The following BRD10 variants were observed in gnomAD, a reference collection of about 807,000 sequenced individuals.
BRD10 encodes bromodomain containing 10.
At chr9:5,969,647 A>T in the BRD10 span, among the ~76,000 whole-genome samples, 8 of 152,050 alleles carry the variant, frequency 5.3e-5, no homozygotes, top group African/African-American at 1.9e-4. Context: ...GGGTTCAAGC[A>T]ATTCTCCTGC....
the BRD10 span, among the ~76,000 whole-genome samples, chr9:5,945,182 G>A: frequency 6.6e-6 from 1 of 151,990 alleles, no homozygotes; most frequent in Non-Finnish European, 1.5e-5. Flanking sequence ...CAACATTGGT[G>A]GTTTCATCCC....
the BRD10 span, among the ~76,000 whole-genome samples, chr9:5,885,125 C>T: frequency 6.6e-6 from 1 of 152,188 alleles, no homozygotes; most frequent in African/African-American, 2.4e-5. Flanking sequence ...AGCCATGCCT[C>T]GATTCTATTC....
the BRD10 span, among the ~76,000 whole-genome samples, chr9:5,901,496 T>C: frequency 6.6e-6 from 1 of 152,184 alleles, no homozygotes; most frequent in Non-Finnish European, 1.5e-5. Flanking sequence ...TTTAGTCTAT[T>C]GATGTATCAG....
At chr9:5,983,140 CCA>C in the BRD10 span, among the ~76,000 whole-genome samples, 2 of 152,126 alleles carry the variant, frequency 1.3e-5, no homozygotes, top group Admixed American at 1.3e-4. Context: ...ATTCGGACAG[CCA>C]CACAAACTGG....
the BRD10 span, chr9:5,921,791 C>G: frequency 4.3e-6 from 7 of 1,613,816 alleles, no homozygotes; most frequent in Non-Finnish European, 5.1e-6. Flanking sequence ...AGTACTAGAA[C>G]AAATAGAGGA....
At chr9:5,939,881 A>C in the BRD10 span, among the ~76,000 whole-genome samples, 1 of 152,180 alleles carries the variant, frequency 6.6e-6, no homozygotes, top group East Asian at 1.9e-4. Context: ...TATGACAATC[A>C]ATGTGTCCTA....
chr9:5,926,910 T>G, the BRD10 span, among the ~76,000 whole-genome samples: 2 of 152,202 alleles, frequency 1.3e-5, no homozygotes. Flanking sequence ...TACTTACCTC[T>G]CAGTACGTGT....
At chr9:5,988,498 T>C in the BRD10 span, 22 of 1,613,970 alleles carry the variant, frequency 1.4e-5, no homozygotes, top group Non-Finnish European at 1.7e-5. Flanking sequence ...CTCCAATCCA[T>C]AATAGCCTCT....
the BRD10 span, chr9:5,922,712 G>A: frequency 6.2e-7 from 1 of 1,613,892 alleles, no homozygotes; most frequent in East Asian, 2.2e-5. Context: ...TTTTTCTCCT[G>A]TTTTAGGATC....
the BRD10 span, among the ~76,000 whole-genome samples, chr9:5,984,254 T>C: frequency 6.6e-6 from 1 of 152,164 alleles, no homozygotes; most frequent in East Asian, 1.9e-4. Flanking sequence ...CACAACTATT[T>C]AAAGCACATA....
the BRD10 span, among the ~76,000 whole-genome samples, chr9:5,971,124 G>T: frequency 5.5e-5 from 8 of 145,750 alleles, no homozygotes; most frequent in African/African-American, 1.8e-4. Context: ...TTAAAGATGT[G>T]AACAACAAAA....
chr9:5,893,290 C>G, the BRD10 span, among the ~76,000 whole-genome samples: 2 of 152,150 alleles, frequency 1.3e-5, no homozygotes, highest in African/African-American at 4.8e-5. Context: ...TCTGTACGTG[C>G]TGGGTGGCAG....
At chr9:5,938,697 G>A in the BRD10 span, among the ~76,000 whole-genome samples, 1 of 146,208 alleles carries the variant, frequency 6.8e-6, no homozygotes, top group Non-Finnish European at 1.5e-5. Flanking sequence ...TTTCCAAAAG[G>A]TCATTTTAAT....
At chr9:5,902,758 T>C in the BRD10 span, among the ~76,000 whole-genome samples, 3 of 152,114 alleles carry the variant, frequency 2.0e-5, no homozygotes, top group Non-Finnish European at 2.9e-5. Context: ...CCTCCTGCCT[T>C]GCCCTCCCAA....
chr9:5,966,181 A>C, the BRD10 span, among the ~76,000 whole-genome samples: 1 of 152,186 alleles, frequency 6.6e-6, no homozygotes, highest in African/African-American at 2.4e-5. Context: ...TAAGGCTTAG[A>C]GTACTTGCTG....
chr9:6,002,102 T>G, the BRD10 span, among the ~76,000 whole-genome samples: 1 of 152,222 alleles, frequency 6.6e-6, no homozygotes, highest in Non-Finnish European at 1.5e-5. Context: ...TGGAACACGT[T>G]TGAGACTCAT....
the BRD10 span, among the ~76,000 whole-genome samples, chr9:5,917,800 C>CTGAG: frequency 1.3e-5 from 2 of 152,314 alleles, no homozygotes; most frequent in South Asian, 4.1e-4. Context: ...TTGCAGTGAG[C>CTGAG]TGAGATAGCA....
chr9:5,879,451 G>T, the BRD10 span, among the ~76,000 whole-genome samples: 1 of 151,954 alleles, frequency 6.6e-6, no homozygotes, highest in Non-Finnish European at 1.5e-5. Context: ...CCACACAGCC[G>T]GCTGCTGGCA....
the BRD10 span, among the ~76,000 whole-genome samples, chr9:5,956,009 G>GA: frequency 6.6e-6 from 1 of 151,874 alleles, no homozygotes; most frequent in Non-Finnish European, 1.5e-5. Flanking sequence ...AAGTTCACAA[G>GA]AAAAAACTGA....
Sources: allele counts gnomAD v4.1 joint callset (sites outside exome capture counted in the v4.1 genomes callset), GRCh38; gene constraint gnomAD v4.1.1; transcripts MANE v1.5; gene names NCBI Gene and HGNC (gene_info 2026-07-23, HGNC 2026-07-21).